Variants in MFSD12 observed in about 807,000 individuals in gnomAD.
MFSD12 encodes major facilitator superfamily domain containing 12.
A neutral mutation model predicts 51.2 loss-of-function variants in MFSD12; 67 were observed. That is an observed-to-expected ratio of 1.31 (90% CI 1.08 to 1.60). The LOEUF is 1.60. Among genes scored for constraint, MFSD12 ranks in the 40% most tolerant of loss-of-function variants. The pLI is 0.00. For synonymous variants in MFSD12, 441 were observed against 316.7 expected (o/e 1.39, Z -4.17); for missense variants, 921 against 673.0 (o/e 1.37, Z -4.08).
rs1262645808 is a variant in MFSD12 at position 3,547,010 on chromosome 19, T to G, written c.1023+262A>C. Among the ~76,000 whole-genome samples, 4 of 152,140 alleles carry G rather than the reference T, an allele frequency of 2.6e-5. No homozygotes were observed. The East Asian group carries it at 7.7e-4, about 29-fold the overall frequency. ...CACCAACGCCCGGCTAATTTTGTTT[T>G]TGTATCTTTAGTAGAGACGGGGTTT... On this transcript the variant is annotated intron_variant, in intron 6 of 9. Transcript: ENST00000355415.
Position 3,557,245 on chromosome 19 carries a change from G to A in MFSD12, c.159C>T (p.Tyr53=), listed in dbSNP as rs765467692. 7 of 1,594,692 alleles carry A rather than the reference G, an allele frequency of 4.4e-6. No individual in the cohort carries two copies. Among genetic ancestry groups the A allele is most frequent in the East Asian group, 2.3e-5 (1 of 43,492 alleles). The change falls in exon 1 of 10, where the codon TAC becomes TAT. Residue 53 remains tyrosine, a synonymous_variant. Coordinates refer to ENST00000355415, the MANE Select transcript of MFSD12 (RefSeq NM_174983.5). ...LLLYLHSVRA[Y]SSRGAGLLLL... ...GCAGCAGCCCCGCGCCGCGGGAGCT[G>A]TAGGCGCGCACCGAGTGCAGGTAGA... is the stretch of plus-strand genomic sequence containing the variant.
At chr19:3,546,849 T>G (rs1176215356) in intron 6 of MFSD12, among the ~76,000 whole-genome samples, 1 of 151,982 alleles carries the variant, frequency 6.6e-6, no homozygotes, top group Admixed American at 6.6e-5. Flanking sequence ...TTTTTTTTTC[T>G]GGAGACAAGA....
downstream of MFSD12, chr19:3,543,954 T>C (rs1399391779): frequency 3.2e-6 from 5 of 1,550,218 alleles, no homozygotes; most frequent in Non-Finnish European, 4.4e-6. Flanking sequence ...CCTGGAACCA[T>C]ACTGCCCCTC....
chr19:3,549,688 A>G (rs1279101284), intron 2 of MFSD12, among the ~76,000 whole-genome samples: 6 of 137,602 alleles, frequency 4.4e-5, no homozygotes. Context: ...GCGCCACTGC[A>G]CTCCAGCCTG....
At chr19:3,546,946 G>A (rs374165641) in intron 6 of MFSD12, among the ~76,000 whole-genome samples, 14 of 152,210 alleles carry the variant, frequency 9.2e-5, no homozygotes, top group Admixed American at 6.5e-5. Flanking sequence ...CCATTCTCCT[G>A]CCTCAGCCTC....
chr19:3,548,086 C>T (rs762680591), intron 3 of MFSD12, 37 bp downstream of exon 3: 11 of 1,602,480 alleles, frequency 6.9e-6, no homozygotes, highest in African/African-American at 4.0e-5. Flanking sequence ...GCCCCTGGCT[C>T]GAGGACTTCA....
rs1230937461 is a variant in MFSD12 at position 3,544,454 on chromosome 19, C to T, written c.*256G>A. On this transcript the variant is annotated 3_prime_UTR_variant, in exon 10 of 10. Coordinates refer to ENST00000355415, the MANE Select transcript of MFSD12 (RefSeq NM_174983.5). ...ACTTCCTGTTCCCTGCCGAGAGGGGCACCCCAAATCCTCCAGAGGGCTGGG... is the reference window on the plus strand; with the variant it reads ...ACTTCCTGTTCCCTGCCGAGAGGGGTACCCCAAATCCTCCAGAGGGCTGGG... The T allele has an allele frequency of 3.0e-6, 4 of 1,343,402 alleles. No individual in the cohort carries two copies. Among genetic ancestry groups the T allele is most frequent in the Non-Finnish European group, 3.8e-6 (4 of 1,049,976 alleles). The allele number at this position is 1,343,402 out of a possible 1,614,324, so 83.2% of individuals were successfully genotyped here.
chr19:3,556,319 A>G (rs1285264598), intron 1 of MFSD12, among the ~76,000 whole-genome samples: 2 of 152,222 alleles, frequency 1.3e-5, no homozygotes, highest in Non-Finnish European at 2.9e-5. Flanking sequence ...CCAACCCTCC[A>G]GAGGGTTCAG....
chr19:3,557,051 G>A (rs2031763341), intron 1 of MFSD12, 55 bp downstream of exon 1: 2 of 1,320,596 alleles, frequency 1.5e-6, no homozygotes, highest in East Asian at 4.6e-5. Context: ...GGAGGCGCCC[G>A]GGTCGCGGAG....
chr19:3,543,476 G>A, downstream of MFSD12: 1 of 1,524,818 alleles, frequency 6.6e-7, no homozygotes. Context: ...GCCATCGGGT[G>A]AGTGCCCCCC....
At chr19:3,538,774 A>G in intron 4 of MFSD12, 1 of 519,740 alleles carries the variant, frequency 1.9e-6, no homozygotes. Context: ...TATTTTACAA[A>G]CGGACTGGAT....
At chr19:3,539,444 G>A, downstream of MFSD12, 1 of 584,216 alleles carries the variant, frequency 1.7e-6, no homozygotes, top group East Asian at 2.8e-5. Context: ...CTCACTGTGG[G>A]GGCTACAGAC....
intron 1 of MFSD12, among the ~76,000 whole-genome samples, chr19:3,556,347 G>C (rs2031722053): frequency 6.6e-6 from 1 of 152,216 alleles, no homozygotes; most frequent in Non-Finnish European, 1.5e-5. Flanking sequence ...CGGGGGCTCA[G>C]ACAAACAAAG....
At chr19:3,546,976 G>A (rs1033116033) in intron 6 of MFSD12, among the ~76,000 whole-genome samples, 4 of 152,162 alleles carry the variant, frequency 2.6e-5, no homozygotes, top group Admixed American at 2.6e-4. Context: ...TGGGACTACA[G>A]GCACCCGCCA....
chr19:3,545,087 C>A, intron 8 of MFSD12, 148 bp from the exon 9 acceptor site: 2 of 1,064,230 alleles, frequency 1.9e-6, no homozygotes, highest in Non-Finnish European at 2.6e-6. Flanking sequence ...CCCTCCTGTC[C>A]CACACCCAAC....
chr19:3,546,440 C>CCGG lies in MFSD12; in HGVS notation c.1024-18_1024-16dup, dbSNP rs774139611. Reference sequence around the variant, plus strand: ...AAGTAGGTCATCTGCAGGGACAGCCCCGGGGTCAGGCCCACACCACTGGGT... The same window carrying CCGG: ...AAGTAGGTCATCTGCAGGGACAGCCCCGGCGGGGTCAGGCCCACACCACTGGGT... On this transcript the variant is annotated splice_polypyrimidine_tract_variant and intron_variant, in intron 6 of 9. Coordinates refer to ENST00000355415, the MANE Select transcript of MFSD12 (RefSeq NM_174983.5). 1 of 1,595,532 alleles carries CCGG rather than the reference C, an allele frequency of 6.3e-7. No homozygotes were observed. Among genetic ancestry groups the CCGG allele is most frequent in the East Asian group, 2.3e-5 (1 of 44,250 alleles).
At chr19:3,545,118 C>CCCTGCTT (rs2030877863) in intron 8 of MFSD12, among the ~76,000 whole-genome samples, 179 bp from the exon 9 acceptor site, 1 of 152,174 alleles carries the variant, frequency 6.6e-6, no homozygotes, top group Admixed American at 6.5e-5. Context: ...GTCCTGTGGG[C>CCCTGCTT]CCTGCTTCCA....
rs1345311478 is a variant in MFSD12, at chr19:3,544,200, G to A, written c.*510C>T. The A allele has an allele frequency of 7.3e-7, 1 of 1,361,828 alleles. No homozygotes were observed. The highest frequency in any genetic ancestry group is 1.9e-5 in the South Asian group (1 of 52,224). 84.4% of individuals were successfully genotyped at this position (1,361,828 alleles called of 1,614,324 possible). A position where few individuals can be genotyped will look rare whatever the true frequency, so the allele number is the denominator to read the frequency against. ...CCCGCAGGCAGACAGGAGCCAGGCT[G>A]CCGTCATCTCTTTATTTGCTGCCAG... is the stretch of plus-strand genomic sequence containing the variant. On this transcript the variant is annotated 3_prime_UTR_variant, in exon 10 of 10. Transcript: ENST00000355415.
chr19:3,541,894 C>T (rs765501587), downstream of MFSD12: 41 of 740,454 alleles, frequency 5.5e-5, no homozygotes, highest in African/African-American at 3.4e-4. Flanking sequence ...CTGCAACCTC[C>T]GCCTCCCGGG....
Sources: allele counts gnomAD v4.1 joint callset (sites outside exome capture counted in the v4.1 genomes callset), GRCh38; gene constraint gnomAD v4.1.1; transcripts MANE v1.5; gene names NCBI Gene and HGNC (gene_info 2026-07-23, HGNC 2026-07-21).